Variants in GALNTL6 observed in about 807,000 individuals in gnomAD.
The protein encoded by GALNTL6 is polypeptide N-acetylgalactosaminyltransferase like 6, also known as polypeptide N-acetylgalactosaminyltransferase-like 6.
Under a neutral mutation model 73.7 loss-of-function variants are expected in GALNTL6, and 46 were observed. That is an observed-to-expected ratio of 0.62 (90% CI 0.49 to 0.80). The LOEUF is 0.80. GALNTL6 is among the 30% of genes least tolerant of loss of function. The pLI is 0.00. For missense variants in GALNTL6, 604 were observed against 755.0 expected, an observed-to-expected ratio of 0.80 and a Z score of 2.34; for synonymous variants, 259 against 263.7, an observed-to-expected ratio of 0.98 and a Z score of 0.17.
At chr4:172,232,093 T>C (rs533153206) in intron 3 of GALNTL6, among the ~76,000 whole-genome samples, 9 of 152,128 alleles carry the variant, frequency 5.9e-5, no homozygotes, top group Non-Finnish European at 1.3e-4. Flanking sequence ...AATAAAAGTG[T>C]ATTAAGACAT....
chr4:172,898,686 A>G (rs1271455195), intron 8 of GALNTL6, among the ~76,000 whole-genome samples: 1 of 152,242 alleles, frequency 6.6e-6, no homozygotes, highest in Non-Finnish European at 1.5e-5. Flanking sequence ...AACTTTTAAA[A>G]TGTATGCATA....
At chr4:172,266,445 A>C (rs1402928275) in intron 3 of GALNTL6, 1 of 151,586 alleles carries the variant, frequency 6.6e-6, no homozygotes, top group African/African-American at 2.4e-5. Context: ...CAGTAAGTTG[A>C]TTCTACTTAT....
chr4:172,284,760 A>G (rs1375096568), intron 3 of GALNTL6, among the ~76,000 whole-genome samples: 2 of 152,086 alleles, frequency 1.3e-5, no homozygotes, highest in African/African-American at 4.8e-5. Context: ...TCCCCAGTGT[A>G]TGTCCTTGCT....
At chr4:172,118,028 G>GCTAACCTTTGTGCATT (rs1361333403) in intron 2 of GALNTL6, among the ~76,000 whole-genome samples, 1 of 152,040 alleles carries the variant, frequency 6.6e-6, no homozygotes, top group Non-Finnish European at 1.5e-5. Context: ...AAACTGTAAA[G>GCTAACCTTTGTGCATT]CTAACCTTTG....
intron 2 of GALNTL6, among the ~76,000 whole-genome samples, chr4:172,170,664 C>A (rs1349067675): frequency 6.6e-6 from 1 of 152,074 alleles, no homozygotes; most frequent in Non-Finnish European, 1.5e-5. Flanking sequence ...CGGCATTCCA[C>A]CAAACCCGGC....
At position 172,016,313 on chromosome 4, in the gene GALNTL6, C is replaced by T. The variant is rs115303698; in HGVS notation, c.138+201595C>T. On this transcript the variant is annotated intron_variant, in intron 2 of 12. Transcript: ENST00000506823. Reference sequence around the variant, plus strand: ...GATTGGGTTAATTTGAAAGCCTTGTCTTCACGCTCTGAAATTCTTTCTTCT... The same window carrying T: ...GATTGGGTTAATTTGAAAGCCTTGTTTTCACGCTCTGAAATTCTTTCTTCT... Among the ~76,000 whole-genome samples, 808 of 152,058 alleles carry T rather than the reference C, an allele frequency of 5.3e-3. 3 individuals carry two copies. Among genetic ancestry groups the T allele is most frequent in the Non-Finnish European group, 9.4e-3 (639 of 67,954 alleles).
chr4:172,397,384 G>A (rs190058557), intron 5 of GALNTL6, among the ~76,000 whole-genome samples: 31 of 152,186 alleles, frequency 2.0e-4, no homozygotes, highest in African/African-American at 6.5e-4. Context: ...CAGTTGTAAT[G>A]TTAGCGTGCA....
chr4:172,708,328 G>C (rs1734490085), intron 5 of GALNTL6, among the ~76,000 whole-genome samples: 1 of 152,140 alleles, frequency 6.6e-6, no homozygotes, highest in Non-Finnish European at 1.5e-5. Flanking sequence ...GAAGTGCTGG[G>C]ATTATGGGCC....
chr4:172,624,143 C>G (rs1739066554), intron 5 of GALNTL6, among the ~76,000 whole-genome samples: 1 of 152,070 alleles, frequency 6.6e-6, no homozygotes, highest in Admixed American at 6.6e-5. Flanking sequence ...CTTTTTCTTA[C>G]AAGAACATAA....
At chr4:172,016,064 C>G (rs922777021) in intron 2 of GALNTL6, among the ~76,000 whole-genome samples, 2 of 146,716 alleles carry the variant, frequency 1.4e-5, no homozygotes, top group East Asian at 2.1e-4. Context: ...TTTGCCATGA[C>G]TTTCCCAGGA....
intron 5 of GALNTL6, among the ~76,000 whole-genome samples, chr4:172,542,760 A>C (rs1735609161): frequency 6.6e-6 from 1 of 152,148 alleles, no homozygotes. Context: ...TTTCAGTTAC[A>C]TTCCCAACCC....
At chr4:172,969,785 A>G (rs1223170376) in intron 10 of GALNTL6, among the ~76,000 whole-genome samples, 1 of 152,232 alleles carries the variant, frequency 6.6e-6, no homozygotes, top group Non-Finnish European at 1.5e-5. Flanking sequence ...ACAATGTTGA[A>G]CAGTAGGATG....
intron 5 of GALNTL6, among the ~76,000 whole-genome samples, chr4:172,780,727 A>G (rs1313403860): frequency 2.6e-5 from 4 of 152,198 alleles, no homozygotes; most frequent in African/African-American, 9.7e-5. Flanking sequence ...TATTGTTTTA[A>G]TTCTCTGTCT....
intron 5 of GALNTL6, among the ~76,000 whole-genome samples, chr4:172,412,926 A>G (rs903715062): frequency 6.6e-6 from 1 of 152,200 alleles, no homozygotes; most frequent in Non-Finnish European, 1.5e-5. Context: ...GAGTCAAAAA[A>G]TGACTATTAC....
At chr4:172,135,440 T>C (rs1417046175) in intron 2 of GALNTL6, among the ~76,000 whole-genome samples, 1 of 150,486 alleles carries the variant, frequency 6.6e-6, no homozygotes, top group African/African-American at 2.4e-5. Context: ...AGAGAGAGAG[T>C]TGCCACATAA....
At chr4:171,980,938 A>T (rs577330405) in intron 2 of GALNTL6, among the ~76,000 whole-genome samples, 2 of 152,228 alleles carry the variant, frequency 1.3e-5, no homozygotes, top group Non-Finnish European at 2.9e-5. Context: ...TAGAATGGCC[A>T]ACTATGTAAC....
chr4:172,023,763 G>A (rs1421364924), intron 2 of GALNTL6, among the ~76,000 whole-genome samples: 1 of 151,732 alleles, frequency 6.6e-6, no homozygotes, highest in African/African-American at 2.4e-5. Flanking sequence ...CTTTATATTC[G>A]AGTAAGTTGT....
chr4:172,379,606 G>A (rs1484667662), intron 5 of GALNTL6, among the ~76,000 whole-genome samples: 1 of 146,600 alleles, frequency 6.8e-6, no homozygotes, highest in Non-Finnish European at 1.5e-5. Flanking sequence ...CCAAAAAAAG[G>A]TGGGAAAGGA....
rs189388406 is a variant in GALNTL6 at position 172,382,329 on chromosome 4, T to C, written c.553+33640T>C. ...CTATTAGGTGTGAGGTAGTATTTCA[T>C]TGAGGTTTTGATTTATATTTACCTA... is the stretch of plus-strand genomic sequence containing the variant. On this transcript the variant is annotated intron_variant, in intron 5 of 12. Transcript: ENST00000506823. Among the ~76,000 whole-genome samples the C allele has an allele frequency of 3.2e-4, 49 of 152,198 alleles. No individual in the cohort carries two copies. In the South Asian group the frequency reaches 8.7e-3, roughly 27 times the overall value.
Sources: gnomAD v4.1 joint callset for allele counts (sites outside exome capture counted in the v4.1 genomes callset) on GRCh38, gnomAD v4.1.1 for gene constraint, MANE v1.5 for transcripts, NCBI Gene and HGNC (gene_info 2026-07-23, HGNC 2026-07-21) for gene names.